CC2D2A: variants seen among roughly 807,000 people sequenced by gnomAD.
CC2D2A encodes coiled-coil and C2 domain containing 2A.
CC2D2A carries 155 observed loss-of-function variants against 212.9 expected under a neutral mutation model. That is an observed-to-expected ratio of 0.73 (90% CI 0.64 to 0.83). The LOEUF is 0.83. Among genes scored for constraint, CC2D2A ranks in the 40% least tolerant of loss-of-function variants. CC2D2A has a pLI of 0.00. For synonymous variants in CC2D2A, 667 were observed against 686.5 expected (o/e 0.97, Z 0.44); for missense variants, 1,856 against 1,956.2 (o/e 0.95, Z 0.97).
At chr4:15,535,059 G>A (rs1221955716) in intron 14 of CC2D2A, among the ~76,000 whole-genome samples, 2 of 150,944 alleles carry the variant, frequency 1.3e-5, no homozygotes, top group Non-Finnish European at 3.0e-5. Context: ...ATCTTTGAGA[G>A]CAGGGACCCT....
intron 33 of CC2D2A, among the ~76,000 whole-genome samples, chr4:15,592,298 C>T (rs1006660561): frequency 6.6e-6 from 1 of 152,132 alleles, no homozygotes; most frequent in Non-Finnish European, 1.5e-5. Flanking sequence ...AACTACATTG[C>T]CTTTCTTCCC....
intron 26 of CC2D2A, among the ~76,000 whole-genome samples, chr4:15,568,218 T>G (rs879612897): frequency 1.3e-5 from 2 of 152,238 alleles, no homozygotes; most frequent in Non-Finnish European, 2.9e-5. Flanking sequence ...TTTTAGATAT[T>G]TAAATGGTTC....
At chr4:15,579,763 T>G (rs1332565003) in intron 29 of CC2D2A, among the ~76,000 whole-genome samples, 1 of 152,232 alleles carries the variant, frequency 6.6e-6, no homozygotes, top group Non-Finnish European at 1.5e-5. Flanking sequence ...GTCAAATATA[T>G]TTTAAGTATT....
At chr4:15,532,348 C>T (rs61339933) in intron 13 of CC2D2A, among the ~76,000 whole-genome samples, 7,650 of 152,226 alleles carry the variant, frequency 0.05, 488 homozygotes, top group East Asian at 0.38. Context: ...AGTCATCACA[C>T]GTACAACCTC....
chr4:15,515,274 T>C (rs1367437964), intron 9 of CC2D2A, among the ~76,000 whole-genome samples: 1 of 152,234 alleles, frequency 6.6e-6, no homozygotes, highest in Non-Finnish European at 1.5e-5. Context: ...TCACTCCCAC[T>C]ATGATTCAAG....
chr4:15,524,434 T>C (rs1478956099), intron 11 of CC2D2A, among the ~76,000 whole-genome samples: 12 of 139,066 alleles, frequency 8.6e-5, no homozygotes, highest in Non-Finnish European at 1.6e-4. Flanking sequence ...CTCGGCCTTC[T>C]GTAAAATTTT....
chr4:15,567,417 G>A lies in CC2D2A; in HGVS notation c.3223G>A (p.Glu1075Lys). 1 of 1,613,526 alleles carries A rather than the reference G, an allele frequency of 6.2e-7. No homozygotes were observed. The highest frequency in any genetic ancestry group is 8.5e-7 in the Non-Finnish European group (1 of 1,179,680). Reference protein sequence around the residue: ...QPSRSSRMFSEKHAASPSTYS... With the variant: ...QPSRSSRMFSKKHAASPSTYS... ...GTCGAGGTCTTCAAGGATGTTCAGT[G>A]AAAAGCATGCTGCTTCCCCAAGCAC... The change falls in exon 25 of 37, where the codon GAA (glutamate) becomes AAA (lysine). Residue 1075 changes from glutamate to lysine, a missense_variant. By Grantham distance (56) the Glu-to-Lys change is moderately conservative. Coordinates refer to ENST00000424120, the MANE Select transcript of CC2D2A (RefSeq NM_001378615.1).
chr4:15,527,801 A>G (rs1444603349), intron 12 of CC2D2A, 145 bp downstream of exon 12: 20 of 654,972 alleles, frequency 3.1e-5, no homozygotes, highest in Non-Finnish European at 4.7e-5. Context: ...TTATCCAGCT[A>G]GAGACAAAAG....
chr4:15,491,036 C>T (rs192314580), intron 4 of CC2D2A, among the ~76,000 whole-genome samples: 108 of 152,154 alleles, frequency 7.1e-4, no homozygotes, highest in South Asian at 2.5e-3. Flanking sequence ...TGAGTCTTGC[C>T]GAAGCTCCCG....
chr4:15,516,103 C>T, intron 10 of CC2D2A, 99 bp downstream of exon 10: 1 of 1,218,966 alleles, frequency 8.2e-7, no homozygotes, highest in Non-Finnish European at 1.1e-6. Context: ...GTACTCATTT[C>T]CTCTTGAGGT....
At chr4:15,476,963 C>G (rs1714257952) in intron 2 of CC2D2A, among the ~76,000 whole-genome samples, 1 of 152,174 alleles carries the variant, frequency 6.6e-6, no homozygotes, top group African/African-American at 2.4e-5. Context: ...CAATGCAGTC[C>G]TCCAAAAAGC....
At chr4:15,598,626 A>G (rs1226255444) in intron 35 of CC2D2A, among the ~76,000 whole-genome samples, 2 of 152,160 alleles carry the variant, frequency 1.3e-5, no homozygotes, top group Non-Finnish European at 2.9e-5. Context: ...TGAACCCAAT[A>G]CCTGTACTTA....
chr4:15,527,715 A>G, intron 12 of CC2D2A, 59 bp downstream of exon 12: 1 of 1,338,192 alleles, frequency 7.5e-7, no homozygotes, highest in African/African-American at 1.5e-5. Context: ...AATGAGCCCA[A>G]ACAATGAAAA....
chr4:15,555,666 A>G (rs1719240636), intron 20 of CC2D2A, among the ~76,000 whole-genome samples: 1 of 152,168 alleles, frequency 6.6e-6, no homozygotes, highest in Non-Finnish European at 1.5e-5. Context: ...TTGAGTCCAC[A>G]AGGTTGAGGC....
intron 14 of CC2D2A, among the ~76,000 whole-genome samples, chr4:15,535,537 A>T (rs1245858159): frequency 6.6e-6 from 1 of 152,228 alleles, no homozygotes; most frequent in African/African-American, 2.4e-5. Context: ...CACAAAAAAA[A>T]AACTATTCAA....
At chr4:15,493,483 G>A (rs1478263967) in intron 4 of CC2D2A, among the ~76,000 whole-genome samples, 1 of 152,050 alleles carries the variant, frequency 6.6e-6, no homozygotes. Flanking sequence ...ATGTTGCCCA[G>A]GCTGGTCTTA....
chr4:15,503,991 C>T (rs147911785), intron 6 of CC2D2A, among the ~76,000 whole-genome samples: 5 of 152,288 alleles, frequency 3.3e-5, no homozygotes, highest in Non-Finnish European at 5.9e-5. Flanking sequence ...GAAAGAAAAA[C>T]AGCAAATGGC....
intron 6 of CC2D2A, among the ~76,000 whole-genome samples, chr4:15,504,903 C>T (rs1716168139): frequency 6.6e-6 from 1 of 152,156 alleles, no homozygotes; most frequent in South Asian, 2.1e-4. Flanking sequence ...AAATATAGCA[C>T]ATGAAGAGCA....
intron 13 of CC2D2A, among the ~76,000 whole-genome samples, chr4:15,532,318 C>G (rs952154780): frequency 2.0e-5 from 3 of 152,172 alleles, no homozygotes; most frequent in African/African-American, 7.2e-5. Flanking sequence ...CCTAGACCCC[C>G]TTATTTCTCT....
Sources: gnomAD v4.1 joint callset for allele counts (sites outside exome capture counted in the v4.1 genomes callset) on GRCh38, gnomAD v4.1.1 for gene constraint, MANE v1.5 for transcripts, NCBI Gene and HGNC (gene_info 2026-07-23, HGNC 2026-07-21) for gene names.